ENTPD7: variants seen among roughly 807,000 people sequenced by gnomAD.
ENTPD7 encodes NTPDase 7.
ENTPD7 carries 53 observed loss-of-function variants against 77.9 expected under a neutral mutation model. The observed-to-expected ratio is 0.68, with a 90% CI of 0.55 to 0.85. ENTPD7 has a LOEUF of 0.85. Ranked by LOEUF, ENTPD7 falls within the 40% of genes least tolerant of loss-of-function variation. ENTPD7 has a pLI of 0.00. For synonymous variants in ENTPD7, 248 were observed against 274.9 expected (o/e 0.90, Z 0.97); for missense variants, 636 against 743.7 (o/e 0.86, Z 1.68).
intron 8 of ENTPD7, among the ~76,000 whole-genome samples, chr10:99,693,566 C>T (rs2035917547): frequency 1.3e-5 from 2 of 152,134 alleles, no homozygotes; most frequent in Admixed American, 1.3e-4. Flanking sequence ...TAGAAAGGAA[C>T]ATGGTTATGG....
intron 6 of ENTPD7, 147 bp from the exon 7 acceptor site, chr10:99,688,547 G>C: frequency 1.5e-6 from 1 of 647,748 alleles, no homozygotes; most frequent in South Asian, 4.0e-5. Flanking sequence ...CAAGATGAAA[G>C]ATTTGAAATT....
intron 5 of ENTPD7, among the ~76,000 whole-genome samples, chr10:99,685,544 T>C (rs1475596758): frequency 1.3e-5 from 2 of 152,200 alleles, no homozygotes; most frequent in African/African-American, 4.8e-5. Context: ...TAACACTCTT[T>C]GAATAATAAC....
intron 9 of ENTPD7, among the ~76,000 whole-genome samples, chr10:99,698,314 A>G (rs1427661569): frequency 2.0e-5 from 3 of 152,214 alleles, no homozygotes; most frequent in African/African-American, 7.2e-5. Flanking sequence ...TGTTGACTAA[A>G]ATGTCGAACA....
At position 99,698,861 on chromosome 10, in the gene ENTPD7, AAATT is replaced by A. The variant is rs775759283; in HGVS notation, c.1335+5_1335+8del. On this transcript the variant is annotated splice_donor_5th_base_variant and intron_variant, in intron 10 of 12. Transcript: ENST00000370489. ...CAACATTTGCCAAGGCTGCTCAGGT[AAATT>A]ATTAATGATAAACATGGCTTATGCT... 2 of 1,586,042 alleles carry A rather than the reference AAATT, an allele frequency of 1.3e-6. No individual in the cohort carries two copies. The highest frequency in any genetic ancestry group is 1.8e-5 in the Admixed American group (1 of 56,590).
rs2036236192 is a variant in ENTPD7, at chr10:99,705,595, C to T, written c.*912C>T. On this transcript the variant is annotated 3_prime_UTR_variant, in exon 13 of 13. Coordinates refer to ENST00000370489, the MANE Select transcript of ENTPD7 (RefSeq NM_020354.5). ...AGTTCTTTCATTTCACTGCTAAAATCAGTATGTAGTATGGGGAATGTATTT... is the reference window on the plus strand; with the variant it reads ...AGTTCTTTCATTTCACTGCTAAAATTAGTATGTAGTATGGGGAATGTATTT... 6.6e-6 allele frequency: 1 copy of T among 152,104 alleles called. No individual in the cohort carries two copies. The highest frequency in any genetic ancestry group is 6.5e-5 in the Admixed American group (1 of 15,288). 9.4% of individuals were successfully genotyped at this position (152,104 alleles called of 1,614,324 possible).
At chr10:99,678,276 G>T (rs1260224096) in intron 3 of ENTPD7, among the ~76,000 whole-genome samples, 1 of 151,524 alleles carries the variant, frequency 6.6e-6, no homozygotes, top group African/African-American at 2.4e-5. Flanking sequence ...AGACCATCCT[G>T]GCTAACACGG....
chr10:99,673,996 C>T (rs965112353), intron 3 of ENTPD7, among the ~76,000 whole-genome samples: 1 of 133,308 alleles, frequency 7.5e-6, no homozygotes, highest in East Asian at 2.6e-4. Context: ...CTTAGGGGCT[C>T]ATACTGAAAT....
chr10:99,688,891 GCTTT>G (rs2035845903), intron 7 of ENTPD7, 141 bp downstream of exon 7: 3 of 759,938 alleles, frequency 3.9e-6, no homozygotes, highest in Non-Finnish European at 6.5e-6. Context: ...GTCCTAATTT[GCTTT>G]CTTTGATTTC....
intron 3 of ENTPD7, among the ~76,000 whole-genome samples, chr10:99,665,887 T>G (rs1345066232): frequency 6.6e-6 from 1 of 152,178 alleles, no homozygotes; most frequent in Non-Finnish European, 1.5e-5. Context: ...TGGATGATTA[T>G]AGTAATCAAC....
intron 3 of ENTPD7, among the ~76,000 whole-genome samples, chr10:99,675,327 G>A (rs1753750581): frequency 6.6e-6 from 1 of 151,034 alleles, no homozygotes; most frequent in Non-Finnish European, 1.5e-5. Flanking sequence ...TAATGAATGT[G>A]TGTTTTTTTT....
At chr10:99,688,553 A>G (rs2035842177) in intron 6 of ENTPD7, 141 bp from the exon 7 acceptor site, 1 of 677,050 alleles carries the variant, frequency 1.5e-6, no homozygotes, top group Admixed American at 3.1e-5. Flanking sequence ...GAAAGATTTG[A>G]AATTCCTACA....
chr10:99,686,411 A>C (rs1200390718), intron 6 of ENTPD7, among the ~76,000 whole-genome samples: 1 of 152,178 alleles, frequency 6.6e-6, no homozygotes, highest in Admixed American at 6.5e-5. Flanking sequence ...ATGTGTTCTC[A>C]TGCAGCCAAA....
intron 11 of ENTPD7, among the ~76,000 whole-genome samples, chr10:99,702,013 C>T (rs1305516245): frequency 6.6e-6 from 1 of 151,984 alleles, no homozygotes; most frequent in Non-Finnish European, 1.5e-5. Flanking sequence ...CGCGCCACTG[C>T]ACTCCAGCGT....
At chr10:99,675,012 C>T (rs1450984490) in intron 3 of ENTPD7, among the ~76,000 whole-genome samples, 1 of 152,172 alleles carries the variant, frequency 6.6e-6, no homozygotes, top group South Asian at 2.1e-4. Context: ...AGTAAAAGCA[C>T]TTGGGCAGTT....
chr10:99,698,949 CAT>C, intron 10 of ENTPD7, 91 bp downstream of exon 10: 1 of 1,186,420 alleles, frequency 8.4e-7, no homozygotes, highest in Non-Finnish European at 1.2e-6. Flanking sequence ...AAGGGCTTTG[CAT>C]ACAGAATCTC....
At chr10:99,664,081 T>G (rs1051076494) in intron 3 of ENTPD7, among the ~76,000 whole-genome samples, 17 of 152,302 alleles carry the variant, frequency 1.1e-4, no homozygotes, top group Middle Eastern at 3.4e-3. Context: ...GACATCTTTT[T>G]TCACAGATAG....
rs1415949671 is a variant in ENTPD7, at chr10:99,706,972, C to G, written c.*2289C>G. ...TAGTGGTTGGTCCAGTTTGAAAGCT[C>G]TTATTAGTATTCTTCATCCTGGCTG... On this transcript the variant is annotated 3_prime_UTR_variant, in exon 13 of 13. Coordinates refer to ENST00000370489, the MANE Select transcript of ENTPD7 (RefSeq NM_020354.5). 6.6e-6 allele frequency among the ~76,000 whole-genome samples: 1 copy of G among 152,064 alleles called. No individual in the cohort carries two copies. Among genetic ancestry groups the G allele is most frequent in the African/African-American group, 2.4e-5 (1 of 41,394 alleles).
At chr10:99,683,639 T>C (rs1017586670) in intron 5 of ENTPD7, among the ~76,000 whole-genome samples, 4 of 152,242 alleles carry the variant, frequency 2.6e-5, no homozygotes, top group Non-Finnish European at 5.9e-5. Context: ...GAAAGCTTTA[T>C]CCTGTCACTA....
At chr10:99,670,364 C>T (rs547440454) in intron 3 of ENTPD7, among the ~76,000 whole-genome samples, 146 of 152,316 alleles carry the variant, frequency 9.6e-4, no homozygotes, top group Non-Finnish European at 8.5e-4. Flanking sequence ...CATCATTTCA[C>T]AGAGTTCTGT....
Sources: gnomAD v4.1 joint callset for allele counts (sites outside exome capture counted in the v4.1 genomes callset) on GRCh38, gnomAD v4.1.1 for gene constraint, MANE v1.5 for transcripts, NCBI Gene and HGNC (gene_info 2026-07-23, HGNC 2026-07-21) for gene names.